ERBIN: variants seen among roughly 807,000 people sequenced by gnomAD.
The protein encoded by ERBIN is erbb2 interacting protein, also known as densin-180-like protein.
Under a neutral mutation model 158.4 loss-of-function variants are expected in ERBIN, and 60 were observed. The observed-to-expected ratio is 0.38, with a 90% CI of 0.31 to 0.47. ERBIN has a LOEUF of 0.47. ERBIN is among the 20% of genes least tolerant of loss of function. The pLI is 0.99. For missense variants in ERBIN, 1,610 were observed against 1,648.0 expected (o/e 0.98, Z 0.40); for synonymous variants, 594 against 557.2 (o/e 1.07, Z -0.93).
intron 9 of ERBIN, among the ~76,000 whole-genome samples, chr5:66,023,968 C>T (rs554275051): frequency 2.5e-4 from 38 of 152,186 alleles, no homozygotes; most frequent in African/African-American, 9.2e-4. Context: ...TGAGCCACCG[C>T]GCCCAGCCGA....
At chr5:65,979,830 T>C (rs1750453283) in intron 1 of ERBIN, among the ~76,000 whole-genome samples, 1 of 152,250 alleles carries the variant, frequency 6.6e-6, no homozygotes, top group Non-Finnish European at 1.5e-5. Context: ...TGACAGTGGA[T>C]AGCACAAAGA....
chr5:66,061,339 G>A (rs1361017833), intron 21 of ERBIN, among the ~76,000 whole-genome samples: 1 of 152,018 alleles, frequency 6.6e-6, no homozygotes, highest in African/African-American at 2.4e-5. Flanking sequence ...TTTAAAGTCT[G>A]TTTTATCGGA....
chr5:65,983,953 T>A (rs1244290788), intron 1 of ERBIN, among the ~76,000 whole-genome samples: 1 of 152,178 alleles, frequency 6.6e-6, no homozygotes, highest in Non-Finnish European at 1.5e-5. Flanking sequence ...AGTGCACATG[T>A]GGTAGATGCC....
intron 14 of ERBIN, among the ~76,000 whole-genome samples, chr5:66,035,021 A>C (rs1264506460): frequency 6.6e-6 from 1 of 152,058 alleles, no homozygotes. Context: ...GTGGAGTGGG[A>C]GGGCTGCATG....
At chr5:66,000,231 G>A (rs1333621824) in intron 4 of ERBIN, among the ~76,000 whole-genome samples, 1 of 152,124 alleles carries the variant, frequency 6.6e-6, no homozygotes. Flanking sequence ...AGTATTGCTT[G>A]GCTCAGTAAT....
At chr5:65,932,680 A>C (rs1187287242) in intron 1 of ERBIN, among the ~76,000 whole-genome samples, 1 of 152,190 alleles carries the variant, frequency 6.6e-6, no homozygotes, top group Admixed American at 6.5e-5. Context: ...GGATTCTGGG[A>C]GAGTGTTGAA....
rs1580350267 is a variant in ERBIN at position 66,014,149 on chromosome 5, T to C, written c.476+511T>C. The stretch of plus-strand genomic sequence containing the variant: ...AAATGCTAGCCAACTAAATGTTAAT[T>C]TTGTAGCCATCTTTTATCTAAAAAT... On this transcript the variant is annotated intron_variant, in intron 6 of 25. Transcript: ENST00000284037. Among the ~76,000 whole-genome samples, 3 of 152,294 alleles carry C rather than the reference T, an allele frequency of 2.0e-5. No homozygotes were observed. The South Asian group carries it at 6.2e-4, about 32-fold the overall frequency.
chr5:65,928,246 C>CT (rs368780657), intron 1 of ERBIN, among the ~76,000 whole-genome samples: 6,838 of 143,294 alleles, frequency 0.048, 206 homozygotes, highest in Non-Finnish European at 0.064. Flanking sequence ...TCAGGAGATT[C>CT]TTTTTTTTTT....
chr5:65,955,349 G>A (rs1210311241), intron 1 of ERBIN, among the ~76,000 whole-genome samples: 2 of 152,152 alleles, frequency 1.3e-5, no homozygotes, highest in African/African-American at 4.8e-5. Context: ...ACTCTGAGGG[G>A]CCGGGGATGG....
chr5:65,962,320 T>C (rs547973489), intron 1 of ERBIN, among the ~76,000 whole-genome samples: 41 of 152,250 alleles, frequency 2.7e-4, no homozygotes, highest in Non-Finnish European at 5.3e-4. Flanking sequence ...ATTGGAGAAA[T>C]TGGCTATTAA....
chr5:65,980,492 A>C (rs78909286), intron 1 of ERBIN, among the ~76,000 whole-genome samples: 82 of 152,332 alleles, frequency 5.4e-4, no homozygotes, highest in African/African-American at 1.9e-3. Context: ...CATAGCAATA[A>C]TTACATAAAA....
At chr5:66,069,088 A>G in intron 21 of ERBIN, 2 of 1,361,892 alleles carry the variant, frequency 1.5e-6, no homozygotes, top group Non-Finnish European at 1.9e-6. Flanking sequence ...TAAGTGTTTT[A>G]ATGTTTCCAG....
At chr5:65,934,213 T>G (rs983926035) in intron 1 of ERBIN, among the ~76,000 whole-genome samples, 1 of 152,188 alleles carries the variant, frequency 6.6e-6, no homozygotes, top group Admixed American at 6.5e-5. Context: ...CCTAAATATT[T>G]TAATGTTTAT....
At chr5:65,964,433 T>A (rs1377959466) in intron 1 of ERBIN, among the ~76,000 whole-genome samples, 1 of 152,180 alleles carries the variant, frequency 6.6e-6, no homozygotes, top group Non-Finnish European at 1.5e-5. Context: ...CCAGGCCTTT[T>A]GGGGCAGAAT....
chr5:65,960,701 T>A (rs1169316448), intron 1 of ERBIN, among the ~76,000 whole-genome samples: 1 of 152,222 alleles, frequency 6.6e-6, no homozygotes, highest in Non-Finnish European at 1.5e-5. Context: ...ATTGCTATCC[T>A]TGACAAGATT....
At chr5:65,966,595 G>A (rs1748646272) in intron 1 of ERBIN, among the ~76,000 whole-genome samples, 1 of 139,980 alleles carries the variant, frequency 7.1e-6, no homozygotes, top group Non-Finnish European at 1.5e-5. Flanking sequence ...CAGGAGAATC[G>A]CTTGAACCCA....
At chr5:66,023,449 T>A in intron 9 of ERBIN, 85 bp downstream of exon 9, 1 of 739,960 alleles carries the variant, frequency 1.4e-6, no homozygotes, top group Non-Finnish European at 2.2e-6. Flanking sequence ...TAATTACTTT[T>A]AATTAATAAA....
At chr5:65,988,556 G>A (rs1751516486) in intron 1 of ERBIN, 79 bp from the exon 2 acceptor site, 1 of 152,044 alleles carries the variant, frequency 6.6e-6, no homozygotes. Flanking sequence ...ATATAAATTA[G>A]GTATTTAAAG....
chr5:65,977,197 G>GC (rs1750013050), intron 1 of ERBIN, among the ~76,000 whole-genome samples: 1 of 126,610 alleles, frequency 7.9e-6, no homozygotes, highest in African/African-American at 3.6e-5. Flanking sequence ...GCGGGGGGCT[G>GC]ACCCCCCCCC....
Sources: gnomAD v4.1 joint callset for allele counts (sites outside exome capture counted in the v4.1 genomes callset) on GRCh38, gnomAD v4.1.1 for gene constraint, MANE v1.5 for transcripts, NCBI Gene and HGNC (gene_info 2026-07-23, HGNC 2026-07-21) for gene names.